Variants in KLHL12 observed in about 807,000 individuals in gnomAD.
The protein encoded by KLHL12 is kelch-like protein 12.
KLHL12 carries 17 observed loss-of-function variants against 60.8 expected under a neutral mutation model. The observed-to-expected ratio is 0.28, with a 90% confidence interval of 0.19 to 0.42. The LOEUF (loss-of-function observed/expected upper bound fraction) is 0.42, where lower values mean the gene tolerates loss of function less well. KLHL12 is among the 10% of genes least tolerant of loss of function. KLHL12 has a pLI of 1.00. For missense variants in KLHL12, 468 were observed against 722.3 expected (o/e 0.65, Z 4.04); for synonymous variants, 220 against 250.9 (o/e 0.88, Z 1.16).
At chr1:202,926,399 T>C (rs930460749) in intron 1 of KLHL12, among the ~76,000 whole-genome samples, 3 of 152,192 alleles carry the variant, frequency 2.0e-5, no homozygotes, top group African/African-American at 7.2e-5. Flanking sequence ...TCTCATCTAC[T>C]TCTGTTTGTA....
intron 4 of KLHL12, chr1:202,912,765 G>A (rs766067781): frequency 3.4e-5 from 44 of 1,297,096 alleles, no homozygotes; most frequent in Non-Finnish European, 4.7e-5. Flanking sequence ...GAGGAGAGCC[G>A]GAGAAGTGAC....
chr1:202,923,165 A>C lies in KLHL12; in HGVS notation c.195+1803T>G, dbSNP rs562783253. Among the ~76,000 whole-genome samples, 37 of 152,372 alleles carry C rather than the reference A, an allele frequency of 2.4e-4. No individual in the cohort carries two copies. In the South Asian group the frequency reaches 3.3e-3, roughly 14 times the overall value. On this transcript the variant is annotated intron_variant, in intron 2 of 11. Coordinates refer to ENST00000367261, the MANE Select transcript of KLHL12 (RefSeq NM_021633.4). ...CCTGATGTCAGTTTTTAAAGAAAGA[A>C]ATCATCACTGATGAGAAAAAAAGAA...
At chr1:202,897,255 G>A (rs1659869468) in intron 6 of KLHL12, among the ~76,000 whole-genome samples, 1 of 105,924 alleles carries the variant, frequency 9.4e-6, no homozygotes. Context: ...TTTTTTTGGA[G>A]ACAGAGTTTC....
intron 6 of KLHL12, among the ~76,000 whole-genome samples, chr1:202,904,976 C>T (rs554853621): frequency 6.6e-6 from 1 of 152,136 alleles, no homozygotes. Context: ...CTGCTGTATG[C>T]AGAAGAGTCA....
At chr1:202,901,645 C>A (rs189630517) in intron 6 of KLHL12, among the ~76,000 whole-genome samples, 10 of 152,158 alleles carry the variant, frequency 6.6e-5, no homozygotes, top group African/African-American at 2.4e-4. Context: ...CCTTCGATCA[C>A]TGATTCCCAA....
rs181592608 is a variant in KLHL12 at position 202,895,220 on chromosome 1, C to T, written c.1135+302G>A. ...CAGCCTGGGCAACATGGCGAAACCC[C>T]ATCTCTACTAAAAATACAAAAATAT... On this transcript the variant is annotated intron_variant, in intron 8 of 11. Coordinates refer to ENST00000367261, the MANE Select transcript of KLHL12 (RefSeq NM_021633.4). The surrounding 1 kb of genome is among the most constrained non-coding windows in gnomAD (Gnocchi z 4.2). Among the ~76,000 whole-genome samples, 9 of 151,986 alleles carry T rather than the reference C, an allele frequency of 5.9e-5. No individual in the cohort carries two copies. Among genetic ancestry groups the T allele is most frequent in the East Asian group, 1.9e-4 (1 of 5,166 alleles).
At chr1:202,916,386 GCTCACACTTATAAT>G (rs1414526358) in intron 4 of KLHL12, among the ~76,000 whole-genome samples, 4 of 152,244 alleles carry the variant, frequency 2.6e-5, no homozygotes, top group Admixed American at 2.6e-4. Flanking sequence ...AGGAGCCGTG[GCTCACACTTATAAT>G]CTCAGCATTT....
At chr1:202,928,546 C>G (rs1653734694), upstream of KLHL12, 1 of 1,304,166 alleles carries the variant, frequency 7.7e-7, no homozygotes, top group Non-Finnish European at 1.0e-6. Flanking sequence ...TTATTCACGT[C>G]CATTGTCCAC....
chr1:202,902,956 C>G (rs895782478), intron 6 of KLHL12, among the ~76,000 whole-genome samples: 7 of 151,918 alleles, frequency 4.6e-5, no homozygotes, highest in African/African-American at 1.5e-4. Flanking sequence ...CAAAATCATG[C>G]CATTGCACTA....
chr1:202,903,914 GGC>G (rs1449279451), intron 6 of KLHL12, among the ~76,000 whole-genome samples: 1 of 151,722 alleles, frequency 6.6e-6, no homozygotes, highest in African/African-American at 2.4e-5. Flanking sequence ...CACTGCTCTT[GGC>G]CCTGTCTCAT....
At chr1:202,907,947 T>C (rs1037278874) in intron 6 of KLHL12, among the ~76,000 whole-genome samples, 4 of 152,042 alleles carry the variant, frequency 2.6e-5, no homozygotes, top group East Asian at 3.8e-4. Context: ...ATCACCATTC[T>C]ACCTAAACCC....
intron 6 of KLHL12, among the ~76,000 whole-genome samples, chr1:202,897,228 C>CTTTTTTTTTT (rs11305071): frequency 6.7e-4 from 55 of 82,232 alleles, no homozygotes; most frequent in East Asian, 1.8e-3. Context: ...ATTTCTTTTT[C>CTTTTTTTTTT]TTTTTTTTTT....
intron 4 of KLHL12, among the ~76,000 whole-genome samples, chr1:202,915,718 C>G (rs904785830): frequency 2.6e-5 from 4 of 152,208 alleles, no homozygotes; most frequent in Admixed American, 6.5e-5. Context: ...TGAAACCTGG[C>G]TCTACCACTT....
At chr1:202,906,451 G>A (rs1198485683) in intron 6 of KLHL12, among the ~76,000 whole-genome samples, 1 of 98,936 alleles carries the variant, frequency 1.0e-5, no homozygotes, top group Non-Finnish European at 1.8e-5. Flanking sequence ...GCAACGCTTC[G>A]TCTCAAAAAA....
chr1:202,923,380 A>G (rs181859485), intron 2 of KLHL12, among the ~76,000 whole-genome samples: 1 of 152,326 alleles, frequency 6.6e-6, no homozygotes, highest in Admixed American at 6.5e-5. Context: ...GGAGAACAGT[A>G]TAGGACAGGG....
rs774101004 is a variant in KLHL12 at position 202,893,233 on chromosome 1, C to A, written c.1580+6G>T. The stretch of plus-strand genomic sequence containing the variant: ...ATTGAGTCTGGATTCGTTTCTAAAT[C>A]CTCACCCTGCAATTGCATAGAGTCT... On this transcript the variant is annotated splice_donor_region_variant and intron_variant, in intron 11 of 11. Transcript: ENST00000367261. The surrounding 1 kb of genome is among the most constrained non-coding windows in gnomAD (Gnocchi z 4.1). The A allele has an allele frequency of 3.8e-6, 6 of 1,588,240 alleles. No individual in the cohort carries two copies. Among genetic ancestry groups the A allele is most frequent in the Non-Finnish European group, 5.1e-6 (6 of 1,168,010 alleles).
chr1:202,898,133 G>GC (rs1260908195), intron 6 of KLHL12, among the ~76,000 whole-genome samples: 3 of 152,054 alleles, frequency 2.0e-5, no homozygotes, highest in African/African-American at 7.3e-5. Context: ...CAAACTCCCG[G>GC]CCTCAAGCGA....
intron 8 of KLHL12, 125 bp from the exon 9 acceptor site, chr1:202,894,874 A>G (rs1659783795): frequency 3.0e-5 from 22 of 742,622 alleles, no homozygotes; most frequent in Middle Eastern, 2.4e-4. Flanking sequence ...TTTAAATGAG[A>G]TAAGTCAATT....
chr1:202,924,963 C>T lies in KLHL12; in HGVS notation c.195+5G>A. 6.2e-7 allele frequency: 1 copy of T among 1,612,272 alleles called. No individual in the cohort carries two copies. Among genetic ancestry groups the T allele is most frequent in the Non-Finnish European group, 8.5e-7 (1 of 1,178,894 alleles). ...TCATTTGTGTGGGGCTAATTTACCA[C>T]TTACCTCACTAGTGAACATGGCACA... is the stretch of plus-strand genomic sequence containing the variant. On this transcript the variant is annotated splice_donor_5th_base_variant and intron_variant, in intron 2 of 11. Transcript: ENST00000367261.
Sources: gnomAD v4.1 joint callset for allele counts (sites outside exome capture counted in the v4.1 genomes callset) on GRCh38, gnomAD v4.1.1 for gene constraint, Gnocchi (gnomAD v3.1) non-coding constraint, MANE v1.5 for transcripts, NCBI Gene and HGNC (gene_info 2026-07-23, HGNC 2026-07-21) for gene names.